Variants in SYCP2L observed in about 807,000 individuals in gnomAD.
SYCP2L encodes the protein synaptonemal complex protein 2 like, also known as synaptonemal complex protein 2-like.
Under a neutral mutation model 125.8 loss-of-function variants are expected in SYCP2L, and 98 were observed. The ratio of observed to expected loss-of-function variants is 0.78; its 90% CI spans 0.66 to 0.92. SYCP2L has a LOEUF of 0.92. SYCP2L is among the 40% of genes least tolerant of loss of function. The probability of loss-of-function intolerance (pLI) is 0.00; values close to 1 mark genes in which losing one functional copy is unlikely to be tolerated. For synonymous variants in SYCP2L, 317 were observed against 325.4 expected, an observed-to-expected ratio of 0.97 and a Z score of 0.28; for missense variants, 842 against 936.4, an observed-to-expected ratio of 0.90 and a Z score of 1.32.
intron 14 of SYCP2L, among the ~76,000 whole-genome samples, chr6:10,923,227 T>G (rs1780830966): frequency 1.3e-5 from 2 of 152,250 alleles, no homozygotes; most frequent in South Asian, 4.1e-4. Flanking sequence ...ATTCTCCTTC[T>G]TCCGACTTAC....
chr6:10,953,593 T>C (rs1274944084), intron 23 of SYCP2L, among the ~76,000 whole-genome samples: 1 of 152,174 alleles, frequency 6.6e-6, no homozygotes, highest in Admixed American at 6.5e-5. Flanking sequence ...TATCAGGTGT[T>C]TTATTTGTAG....
intron 19 of SYCP2L, 42 bp downstream of exon 19, chr6:10,930,556 T>A: frequency 6.3e-7 from 1 of 1,576,434 alleles, no homozygotes; most frequent in Non-Finnish European, 8.6e-7. Context: ...TTTCAAATAG[T>A]GATTTTCAAA....
rs1781586613 is a variant in SYCP2L, at chr6:10,961,178, A to G, written c.2256-127A>G. 32 of 735,086 alleles carry G rather than the reference A, an allele frequency of 4.4e-5. No individual in the cohort carries two copies. In the East Asian group the frequency reaches 8.6e-4, roughly 20 times the overall value. 45.5% of individuals were successfully genotyped at this position (735,086 alleles called of 1,614,324 possible). On this transcript the variant is annotated intron_variant, in intron 26 of 29. Coordinates refer to ENST00000283141, the MANE Select transcript of SYCP2L (RefSeq NM_001040274.3). ...GGAGGGAAGAGAAGGGAGATACTAC[A>G]TGTTCCCATGACAAGAAATGTCTGG...
chr6:10,914,850 G>A (rs771112643), intron 14 of SYCP2L, among the ~76,000 whole-genome samples: 19 of 149,350 alleles, frequency 1.3e-4, no homozygotes, highest in Non-Finnish European at 2.5e-4. Flanking sequence ...GGGTTCAAGC[G>A]ATTCTCCTGC....
intron 23 of SYCP2L, among the ~76,000 whole-genome samples, chr6:10,950,549 A>C (rs891999648): frequency 6.6e-6 from 1 of 152,126 alleles, no homozygotes; most frequent in Non-Finnish European, 1.5e-5. Flanking sequence ...TAGAGGATTT[A>C]TGTTTCTTTT....
chr6:10,930,169 C>A, intron 18 of SYCP2L: 1 of 465,410 alleles, frequency 2.1e-6, no homozygotes, highest in Non-Finnish European at 3.7e-6. Flanking sequence ...TCATCCTATA[C>A]AACAGCAACT....
At chr6:10,930,330 C>T (rs1561691250) in intron 18 of SYCP2L, 40 bp from the exon 19 acceptor site, 2 of 1,590,312 alleles carry the variant, frequency 1.3e-6, no homozygotes, top group Non-Finnish European at 1.7e-6. Flanking sequence ...GAGGCACTAA[C>T]ACCCCTCTAA....
At chr6:10,924,810 C>CAAA (rs1224618991) in intron 15 of SYCP2L, among the ~76,000 whole-genome samples, 169 bp downstream of exon 15, 1 of 152,108 alleles carries the variant, frequency 6.6e-6, no homozygotes, top group Admixed American at 6.6e-5. Flanking sequence ...CCCAGTTTTC[C>CAAA]CTTTTGATGG....
intron 26 of SYCP2L, among the ~76,000 whole-genome samples, chr6:10,959,492 G>A (rs1048398177): frequency 6.6e-6 from 1 of 152,228 alleles, no homozygotes; most frequent in Non-Finnish European, 1.5e-5. Flanking sequence ...ACAAAACACT[G>A]TGAATGTACT....
intron 4 of SYCP2L, among the ~76,000 whole-genome samples, 162 bp downstream of exon 4, chr6:10,894,366 C>T (rs111405758): frequency 9.5e-4 from 144 of 152,262 alleles, no homozygotes; most frequent in African/African-American, 3.1e-3. Flanking sequence ...AAATTAAATT[C>T]GACATACATT....
At chr6:10,916,483 C>G (rs1780697629) in intron 14 of SYCP2L, among the ~76,000 whole-genome samples, 2 of 152,136 alleles carry the variant, frequency 1.3e-5, no homozygotes, top group South Asian at 4.1e-4. Context: ...TTAGCATTGC[C>G]TTTGCTGTAT....
rs144212489 is a variant in SYCP2L at position 10,957,611 on chromosome 6, A to G, written c.2164-1173A>G. ...GAGAATCGCTTGAGGCCAGGAGTTC[A>G]AGATCAGCCCGTGCAACATAGTGAG... On this transcript the variant is annotated intron_variant, in intron 25 of 29. Coordinates refer to ENST00000283141, the MANE Select transcript of SYCP2L (RefSeq NM_001040274.3). Among the ~76,000 whole-genome samples the G allele has an allele frequency of 3.3e-3, 495 of 152,260 alleles. 2 individuals carry two copies. The highest frequency in any genetic ancestry group is 0.011 in the African/African-American group (471 of 41,548).
intron 28 of SYCP2L, among the ~76,000 whole-genome samples, chr6:10,962,098 C>G (rs1781603408): frequency 6.6e-6 from 1 of 152,118 alleles, no homozygotes. Context: ...AGAGTTGAGT[C>G]TGGATCCTCT....
At chr6:10,924,412 A>T in intron 14 of SYCP2L, 84 bp from the exon 15 acceptor site, 1 of 1,122,834 alleles carries the variant, frequency 8.9e-7, no homozygotes, top group Non-Finnish European at 1.2e-6. Context: ...CAAATACCCT[A>T]GCGTAGTTAT....
intron 9 of SYCP2L, among the ~76,000 whole-genome samples, chr6:10,906,755 A>T (rs9379932): frequency 0.28 from 42,125 of 151,182 alleles, 6,563 homozygotes; most frequent in Middle Eastern, 0.44. Context: ...GCACCGCCAC[A>T]CCTGGCTAAT....
chr6:10,921,995 A>G (rs1780807659), intron 14 of SYCP2L, among the ~76,000 whole-genome samples: 1 of 152,106 alleles, frequency 6.6e-6, no homozygotes, highest in Non-Finnish European at 1.5e-5. Flanking sequence ...GTGAGCCAAC[A>G]TGCCTGGCCG....
chr6:10,901,423 C>T (rs1417484846), intron 6 of SYCP2L, among the ~76,000 whole-genome samples: 3 of 152,076 alleles, frequency 2.0e-5, no homozygotes, highest in East Asian at 1.9e-4. Flanking sequence ...GGGTTGAAAG[C>T]GTGTTTATTT....
At chr6:10,901,764 T>A (rs1581817977) in intron 6 of SYCP2L, among the ~76,000 whole-genome samples, 1 of 152,354 alleles carries the variant, frequency 6.6e-6, no homozygotes, top group East Asian at 1.9e-4. Context: ...TAACAGAGTA[T>A]CTAGTTCAAA....
intron 23 of SYCP2L, 52 bp downstream of exon 23, chr6:10,942,798 T>C: frequency 2.6e-6 from 4 of 1,517,194 alleles, no homozygotes; most frequent in Non-Finnish European, 3.6e-6. Flanking sequence ...ATGAAATTAA[T>C]CTGATTTTGG....
Sources: gnomAD v4.1 joint callset for allele counts (sites outside exome capture counted in the v4.1 genomes callset) on GRCh38, gnomAD v4.1.1 for gene constraint, MANE v1.5 for transcripts, NCBI Gene and HGNC (gene_info 2026-07-23, HGNC 2026-07-21) for gene names.